Variants in PPP2R3A observed in about 807,000 individuals in gnomAD.
PPP2R3A encodes the protein serine/threonine-protein phosphatase 2A regulatory subunit B'' subunit alpha.
PPP2R3A carries 80 observed loss-of-function variants against 106.9 expected under a neutral mutation model. The observed-to-expected ratio is 0.75, with a 90% confidence interval of 0.62 to 0.90. PPP2R3A has a LOEUF of 0.90. Among genes scored for constraint, PPP2R3A ranks in the 40% least tolerant of loss-of-function variants. PPP2R3A has a pLI of 0.00. For synonymous variants in PPP2R3A, 483 were observed against 468.3 expected (o/e 1.03, Z -0.41); for missense variants, 1,386 against 1,350.4 (o/e 1.03, Z -0.41).
At chr3:136,016,860 T>A (rs1465183997) in intron 2 of PPP2R3A, among the ~76,000 whole-genome samples, 1 of 152,176 alleles carries the variant, frequency 6.6e-6, no homozygotes, top group Non-Finnish European at 1.5e-5. Context: ...TCATATTAGT[T>A]GTTGCCTGAA....
chr3:136,022,754 A>G (rs1934509094), intron 2 of PPP2R3A: 1 of 1,116,794 alleles, frequency 9.0e-7, no homozygotes, highest in African/African-American at 1.7e-5. Flanking sequence ...AAGGCTCCAT[A>G]TTCTCAACAT....
At chr3:136,124,793 C>G (rs1047412897) in intron 13 of PPP2R3A, among the ~76,000 whole-genome samples, 7 of 151,708 alleles carry the variant, frequency 4.6e-5, no homozygotes, top group Non-Finnish European at 1.0e-4. Context: ...TATAAATTAA[C>G]AGTATCAGGA....
At chr3:135,976,118 C>A (rs1385063859) in intron 1 of PPP2R3A, among the ~76,000 whole-genome samples, 1 of 152,190 alleles carries the variant, frequency 6.6e-6, no homozygotes, top group African/African-American at 2.4e-5. Flanking sequence ...CTTCTTTCAT[C>A]TTTAGTAATA....
intron 13 of PPP2R3A, among the ~76,000 whole-genome samples, chr3:136,117,764 C>T (rs984971524): frequency 2.6e-5 from 4 of 152,118 alleles, no homozygotes; most frequent in African/African-American, 9.7e-5. Context: ...TGTCCAGGAC[C>T]AGACAGATTA....
chr3:136,039,770 AT>A (rs1358148359), intron 3 of PPP2R3A, among the ~76,000 whole-genome samples: 1 of 152,054 alleles, frequency 6.6e-6, no homozygotes, highest in Non-Finnish European at 1.5e-5. Context: ...TTAAAAATAA[AT>A]TGTCCTTTTA....
rs1187447269 is a variant in PPP2R3A, at chr3:136,003,312, T to C, written c.1814T>C (p.Leu605Pro). ...LESIEDFAQE[L>P]VECKSSRGSL... Reference sequence around the variant, plus strand: ...AGCATTGAAGACTTTGCTCAAGAACTAGTTGAATGCAAATCAAGCAGAGGG... The same window carrying C: ...AGCATTGAAGACTTTGCTCAAGAACCAGTTGAATGCAAATCAAGCAGAGGG... Residue 605 changes from leucine (L) to proline (P), a missense_variant, in exon 2 of 14, where the codon CTA becomes CCA. Physicochemically the swap from Leu to Pro is moderately conservative, Grantham distance 98 (BLOSUM62 -3). Coordinates refer to ENST00000264977, the MANE Select transcript of PPP2R3A (RefSeq NM_002718.5). The C allele has an allele frequency of 6.2e-7, 1 of 1,613,956 alleles. No individual in the cohort carries two copies. Among genetic ancestry groups the C allele is most frequent in the Admixed American group, 1.7e-5 (1 of 59,984 alleles).
intron 1 of PPP2R3A, among the ~76,000 whole-genome samples, chr3:135,986,477 C>T (rs1932920895): frequency 6.6e-6 from 1 of 152,074 alleles, no homozygotes; most frequent in Non-Finnish European, 1.5e-5. Flanking sequence ...TTATCATATC[C>T]TCAAGTGGAC....
At chr3:136,067,115 G>C (rs1225542871) in intron 5 of PPP2R3A, among the ~76,000 whole-genome samples, 1 of 152,162 alleles carries the variant, frequency 6.6e-6, no homozygotes, top group Non-Finnish European at 1.5e-5. Context: ...AGAAGCATAA[G>C]ATTGGTTAAA....
intron 3 of PPP2R3A, among the ~76,000 whole-genome samples, chr3:136,033,544 T>G (rs1169509753): frequency 6.6e-6 from 1 of 152,228 alleles, no homozygotes; most frequent in Admixed American, 6.5e-5. Flanking sequence ...ATTTTTAAAC[T>G]ACCATTTCAA....
intron 2 of PPP2R3A, chr3:136,022,907 T>G (rs1253572004): frequency 7.0e-7 from 1 of 1,431,258 alleles, no homozygotes; most frequent in South Asian, 1.5e-5. Context: ...CAAGCATAGA[T>G]TGTGGTCTGT....
chr3:136,058,007 T>C (rs1935934679), intron 5 of PPP2R3A, among the ~76,000 whole-genome samples: 1 of 152,220 alleles, frequency 6.6e-6, no homozygotes, highest in African/African-American at 2.4e-5. Context: ...GCCAGGTTCA[T>C]TGCAGCATTA....
Position 136,102,120 on chromosome 3 carries a change from A to G in PPP2R3A, c.3041A>G (p.Glu1014Gly). 2 of 1,613,926 alleles carry G rather than the reference A, an allele frequency of 1.2e-6. No individual in the cohort carries two copies. The highest frequency in any genetic ancestry group is 2.7e-5 in the African/African-American group (2 of 75,032). Residue 1014 changes from glutamate to glycine, a missense_variant, in exon 11 of 14, where the codon GAG becomes GGG. By Grantham distance (98) the Glu-to-Gly change is moderately conservative. Coordinates refer to ENST00000264977, the MANE Select transcript of PPP2R3A (RefSeq NM_002718.5). ...QCERMEAMGI[E>G]PLPFHDLLCQ... Reference sequence around the variant, plus strand: ...GAACGGATGGAAGCCATGGGAATTGAGCCCTTGCCATTCCATGATTTACTG... The same window carrying G: ...GAACGGATGGAAGCCATGGGAATTGGGCCCTTGCCATTCCATGATTTACTG...
In PPP2R3A at chr3:136,001,918, C is replaced by T. The variant is rs1933639118; in HGVS notation, c.420C>T (p.Tyr140=). ...EKLKNSNHAA[Y]RKGRKVKSDS... Reference sequence around the variant, plus strand: ...TCAAAAACTCTAACCATGCAGCTTACAGAAAGGGAAGGAAAGTTAAGTCTG... The same window carrying T: ...TCAAAAACTCTAACCATGCAGCTTATAGAAAGGGAAGGAAAGTTAAGTCTG... The change falls in exon 2 of 14, where the codon TAC becomes TAT. Residue 140 remains tyrosine (Y), a synonymous_variant. Coordinates refer to ENST00000264977, the MANE Select transcript of PPP2R3A (RefSeq NM_002718.5). The T allele has an allele frequency of 2.5e-6, 4 of 1,614,094 alleles. No individual in the cohort carries two copies. In the East Asian group the frequency reaches 8.9e-5, roughly 36 times the overall value.
chr3:135,992,748 G>A (rs1933226987), intron 1 of PPP2R3A, among the ~76,000 whole-genome samples: 1 of 152,132 alleles, frequency 6.6e-6, no homozygotes, highest in African/African-American at 2.4e-5. Flanking sequence ...GAAGAGACCG[G>A]AGTTAAAGAT....
chr3:136,008,633 T>A (rs1440128992), intron 2 of PPP2R3A, among the ~76,000 whole-genome samples: 1 of 152,220 alleles, frequency 6.6e-6, no homozygotes, highest in Non-Finnish European at 1.5e-5. Context: ...AGATGTACCA[T>A]TATGATCCCT....
At chr3:136,136,465 C>T (rs1022321510) in intron 13 of PPP2R3A, among the ~76,000 whole-genome samples, 2 of 152,006 alleles carry the variant, frequency 1.3e-5, no homozygotes, top group Non-Finnish European at 2.9e-5. Flanking sequence ...ATATCTGTTG[C>T]ATGAACAGCA....
chr3:136,008,911 G>A (rs183489588), intron 2 of PPP2R3A, among the ~76,000 whole-genome samples: 216 of 152,070 alleles, frequency 1.4e-3, no homozygotes, highest in African/African-American at 4.8e-3. Flanking sequence ...TGTCTAATAT[G>A]CCCTTCATCC....
rs1464599615 is a variant in PPP2R3A at position 136,106,376 on chromosome 3, A to G, written c.3329+54A>G. The G allele has an allele frequency of 3.4e-6, 5 of 1,453,398 alleles. No individual in the cohort carries two copies. The Admixed American group carries it at 7.2e-5, about 21-fold the overall frequency. 90.0% of individuals were successfully genotyped at this position (1,453,398 alleles called of 1,614,324 possible). On this transcript the variant is annotated intron_variant, in intron 13 of 13. Coordinates refer to ENST00000264977, the MANE Select transcript of PPP2R3A (RefSeq NM_002718.5). Reference sequence around the variant, plus strand: ...ATTTTTAACAGGAATGCGCATGTCCAGAGTATTAAAACCCCCTTACAAAAT... The same window carrying G: ...ATTTTTAACAGGAATGCGCATGTCCGGAGTATTAAAACCCCCTTACAAAAT...
chr3:136,010,569 G>GGCGCCCGCCACT (rs1450942374), intron 2 of PPP2R3A, among the ~76,000 whole-genome samples: 1 of 151,270 alleles, frequency 6.6e-6, no homozygotes, highest in Non-Finnish European at 1.5e-5. Context: ...TGGGACTACA[G>GGCGCCCGCCACT]GCGCCCGCCA....
Sources: allele counts gnomAD v4.1 joint callset (sites outside exome capture counted in the v4.1 genomes callset), GRCh38; gene constraint gnomAD v4.1.1; transcripts MANE v1.5; gene names NCBI Gene and HGNC (gene_info 2026-07-23, HGNC 2026-07-21).